Variants in FARS2 observed in about 807,000 individuals in gnomAD.
FARS2 encodes the protein phenylalanine--tRNA ligase, mitochondrial.
A neutral mutation model predicts 46.4 loss-of-function variants in FARS2; 40 were observed. The ratio of observed to expected loss-of-function variants is 0.86; its 90% CI spans 0.67 to 1.12. FARS2 has a LOEUF of 1.12. FARS2 is among the 50% of genes most tolerant of loss of function. The pLI is 0.00. For missense variants in FARS2, 513 were observed against 567.9 expected, an observed-to-expected ratio of 0.90 and a Z score of 0.98; for synonymous variants, 234 against 214.9, an observed-to-expected ratio of 1.09 and a Z score of -0.78.
rs1762658945 is a variant in FARS2, at chr6:5,764,672, A to G, written c.1218-6619A>G. Among the ~76,000 whole-genome samples the G allele has an allele frequency of 6.6e-6, 1 of 152,224 alleles. No homozygotes were observed. Among genetic ancestry groups the G allele is most frequent in the Non-Finnish European group, 1.5e-5 (1 of 68,050 alleles). Reference sequence around the variant, plus strand: ...CTGGGAGGTGTTGAGCGCACCATCCAAGAACATGAAGTCGCTGCTCTGTCA... The same window carrying G: ...CTGGGAGGTGTTGAGCGCACCATCCGAGAACATGAAGTCGCTGCTCTGTCA... On this transcript the variant is annotated intron_variant, in intron 6 of 6. Coordinates refer to ENST00000274680, the MANE Select transcript of FARS2 (RefSeq NM_006567.5). The surrounding 1 kb of genome is among the most constrained non-coding windows in gnomAD (Gnocchi z 4.1).
At chr6:5,716,249 C>T (rs1017365282) in intron 6 of FARS2, among the ~76,000 whole-genome samples, 2 of 152,094 alleles carry the variant, frequency 1.3e-5, no homozygotes, top group African/African-American at 4.8e-5. Flanking sequence ...ATATAGAGTG[C>T]TCAGATTTTC....
chr6:5,382,765 A>T (rs1408534381), intron 2 of FARS2, among the ~76,000 whole-genome samples: 1 of 152,174 alleles, frequency 6.6e-6, no homozygotes, highest in Non-Finnish European at 1.5e-5. Context: ...AACCAATAGG[A>T]TATAGCACAG....
At chr6:5,458,628 G>T (rs1362617650) in intron 4 of FARS2, among the ~76,000 whole-genome samples, 1 of 152,124 alleles carries the variant, frequency 6.6e-6, no homozygotes. Flanking sequence ...ATAATATTGA[G>T]ACTGGCACTT....
chr6:5,254,530 A>T, the FARS2 span, among the ~76,000 whole-genome samples: 3 of 152,232 alleles, frequency 2.0e-5, no homozygotes, highest in African/African-American at 4.8e-5. Context: ...TTTTGCACCA[A>T]CTTGCTACCT....
intron 1 of FARS2, among the ~76,000 whole-genome samples, chr6:5,348,604 A>C (rs1757387285): frequency 8.0e-6 from 1 of 125,180 alleles, no homozygotes; most frequent in Admixed American, 8.4e-5. Context: ...GATAGACATT[A>C]AACAAATAAA....
chr6:5,302,455 A>G (rs528458015), intron 1 of FARS2, among the ~76,000 whole-genome samples: 1 of 151,992 alleles, frequency 6.6e-6, no homozygotes, highest in Admixed American at 6.5e-5. Context: ...CTAATCAAGT[A>G]CCTCTGGCCT....
At chr6:5,509,947 T>C (rs1389501448) in intron 4 of FARS2, among the ~76,000 whole-genome samples, 2 of 152,206 alleles carry the variant, frequency 1.3e-5, no homozygotes, top group Non-Finnish European at 2.9e-5. Flanking sequence ...GTTTTCTCAT[T>C]TAATGTGGAG....
intron 5 of FARS2, among the ~76,000 whole-genome samples, chr6:5,558,213 A>G (rs941180813): frequency 2.0e-5 from 3 of 152,170 alleles, no homozygotes; most frequent in African/African-American, 4.8e-5. Flanking sequence ...TCACTACTTC[A>G]ATCAGAGGCT....
At chr6:5,309,847 G>A (rs1581748483) in intron 1 of FARS2, among the ~76,000 whole-genome samples, 1 of 152,286 alleles carries the variant, frequency 6.6e-6, no homozygotes, top group East Asian at 1.9e-4. Context: ...ATTTGGTACA[G>A]TGTTACAAAA....
chr6:5,528,350 A>G (rs1769603722), intron 4 of FARS2, among the ~76,000 whole-genome samples: 1 of 152,086 alleles, frequency 6.6e-6, no homozygotes, highest in South Asian at 2.1e-4. Flanking sequence ...GAAAACCCCT[A>G]CATGTCATTT....
rs985831915 is a variant in FARS2, at chr6:5,450,684, G to A, written c.904+19512G>A. ...AGGGTTAGGGATCCAGACTTGGCGTGTGGGAGGTAGTGTGCCGCCTGTTAG... is the reference window on the plus strand; with the variant it reads ...AGGGTTAGGGATCCAGACTTGGCGTATGGGAGGTAGTGTGCCGCCTGTTAG... On this transcript the variant is annotated intron_variant, in intron 4 of 6. Transcript: ENST00000274680. Among the ~76,000 whole-genome samples, 150 of 69,548 alleles carry A rather than the reference G, an allele frequency of 2.2e-3. 1 individual carries two copies. Among genetic ancestry groups the A allele is most frequent in the Admixed American group, 0.013 (75 of 5,664 alleles). The allele number at this position is 69,548 out of a possible 152,430, so 45.6% of individuals were successfully genotyped here. A position where few individuals can be genotyped will look rare whatever the true frequency, so the allele number is the denominator to read the frequency against.
chr6:5,588,061 G>A (rs2064109), intron 5 of FARS2, among the ~76,000 whole-genome samples: 123,469 of 151,962 alleles, frequency 0.81, 50,226 homozygotes, highest in East Asian at 0.87. Context: ...TAACTCCCCA[G>A]TGAAGGTGAC....
intron 1 of FARS2, among the ~76,000 whole-genome samples, chr6:5,296,184 T>C (rs537262819): frequency 2.1e-3 from 243 of 117,910 alleles, no homozygotes; most frequent in African/African-American, 6.9e-3. Flanking sequence ...CTCTGTCGCC[T>C]GGGCTGGAGT....
chr6:5,712,703 C>G (rs1393831975), intron 6 of FARS2, among the ~76,000 whole-genome samples: 2 of 152,232 alleles, frequency 1.3e-5, no homozygotes, highest in African/African-American at 2.4e-5. Context: ...CAGCACCTGC[C>G]TGTCTTCCAG....
intron 4 of FARS2, among the ~76,000 whole-genome samples, chr6:5,538,332 A>C (rs2150479033): frequency 6.6e-6 from 1 of 152,274 alleles, no homozygotes; most frequent in Non-Finnish European, 1.5e-5. Flanking sequence ...TTATTAAAGT[A>C]CATACCCGAG....
At position 5,609,364 on chromosome 6, in the gene FARS2, T is replaced by G. The variant is rs1775042264; in HGVS notation, c.1066-3805T>G. The G allele has an allele frequency of 2.2e-5, 27 of 1,255,356 alleles. No individual in the cohort carries two copies. In the South Asian group the frequency reaches 2.6e-4, roughly 12 times the overall value. 77.8% of individuals were successfully genotyped at this position (1,255,356 alleles called of 1,614,324 possible). ...CTGCCTCCAAAGTTTCCTCCCTTCA[T>G]GGGTCCAAAATTTGAAGACTGATTG... On this transcript the variant is annotated intron_variant, in intron 5 of 6. Transcript: ENST00000274680.
At chr6:5,445,719 G>A (rs980476659) in intron 4 of FARS2, among the ~76,000 whole-genome samples, 3 of 152,122 alleles carry the variant, frequency 2.0e-5, no homozygotes, top group African/African-American at 7.2e-5. Flanking sequence ...GGGAGGGAGT[G>A]TGCCGTATTT....
At chr6:5,550,798 C>G (rs1771327081) in intron 5 of FARS2, among the ~76,000 whole-genome samples, 1 of 152,204 alleles carries the variant, frequency 6.6e-6, no homozygotes, top group Admixed American at 6.5e-5. Flanking sequence ...AGAGGCTCCT[C>G]TGCAGATCTT....
chr6:5,598,636 G>T (rs763834077), intron 5 of FARS2, among the ~76,000 whole-genome samples: 2 of 152,146 alleles, frequency 1.3e-5, no homozygotes, highest in Non-Finnish European at 1.5e-5. Flanking sequence ...AATGTCTACT[G>T]GGGGGCTGGG....
Sources: gnomAD v4.1 joint callset for allele counts (sites outside exome capture counted in the v4.1 genomes callset) on GRCh38, gnomAD v4.1.1 for gene constraint, Gnocchi (gnomAD v3.1) non-coding constraint, MANE v1.5 for transcripts, NCBI Gene and HGNC (gene_info 2026-07-23, HGNC 2026-07-21) for gene names.